MSH3: variants seen among roughly 807,000 people sequenced by gnomAD.
MSH3 encodes the protein mutS homolog 3.
MSH3 carries 106 observed loss-of-function variants against 123.3 expected under a neutral mutation model. The ratio of observed to expected loss-of-function variants is 0.86; its 90% CI spans 0.73 to 1.01. MSH3 has a LOEUF of 1.01. Ranked by LOEUF, MSH3 falls within the 50% of genes least tolerant of loss-of-function variation. MSH3 has a pLI of 0.00. For missense variants in MSH3, 1,459 were observed against 1,347.6 expected (o/e 1.08, Z -1.29); for synonymous variants, 515 against 481.4 (o/e 1.07, Z -0.91).
chr5:80,844,127 C>T (rs1374070846), intron 20 of MSH3, among the ~76,000 whole-genome samples: 1 of 151,808 alleles, frequency 6.6e-6, no homozygotes, highest in Non-Finnish European at 1.5e-5. Flanking sequence ...TCAAAGAACA[C>T]TTTTATTTCT....
intron 16 of MSH3, among the ~76,000 whole-genome samples, chr5:80,776,753 A>G (rs757330198): frequency 1.3e-4 from 19 of 151,606 alleles, no homozygotes; most frequent in Non-Finnish European, 2.5e-4. Context: ...TGAAAATGGT[A>G]CATTTGCCTC....
intron 8 of MSH3, among the ~76,000 whole-genome samples, chr5:80,692,198 T>TTATA (rs1554068249): frequency 9.0e-4 from 68 of 75,210 alleles, no homozygotes; most frequent in African/African-American, 3.5e-3. Flanking sequence ...ATGTATATGT[T>TTATA]TAGATAGATA....
chr5:80,689,734 CTTTAT>C (rs933117600), intron 8 of MSH3, among the ~76,000 whole-genome samples: 163 of 138,950 alleles, frequency 1.2e-3, no homozygotes, highest in African/African-American at 4.1e-3. Flanking sequence ...TTTTTTTGAT[CTTTAT>C]TTTATTTTAT....
chr5:80,815,109 A>G (rs1278022094), intron 20 of MSH3, among the ~76,000 whole-genome samples: 1 of 152,216 alleles, frequency 6.6e-6, no homozygotes, highest in Non-Finnish European at 1.5e-5. Context: ...TAATATTGAT[A>G]TTCTTGAGTA....
intron 19 of MSH3, among the ~76,000 whole-genome samples, chr5:80,810,229 T>G (rs552387609): frequency 6.8e-6 from 1 of 147,072 alleles, no homozygotes; most frequent in South Asian, 2.2e-4. Flanking sequence ...TTGTGTATTT[T>G]AAAAAAGGTA....
At chr5:80,808,556 A>T (rs1172723196) in intron 19 of MSH3, among the ~76,000 whole-genome samples, 1 of 152,056 alleles carries the variant, frequency 6.6e-6, no homozygotes, top group East Asian at 1.9e-4. Flanking sequence ...CAGCTAAATA[A>T]ACATGGTTTA....
chr5:80,862,760 TAAAAA>T (rs906025326), intron 21 of MSH3, among the ~76,000 whole-genome samples: 7 of 146,484 alleles, frequency 4.8e-5, no homozygotes, highest in African/African-American at 1.7e-4. Flanking sequence ...ACCCTGTCTC[TAAAAA>T]AAAAAAATTT....
intron 19 of MSH3, among the ~76,000 whole-genome samples, chr5:80,805,324 G>A (rs1275889273): frequency 6.6e-6 from 1 of 152,002 alleles, no homozygotes; most frequent in South Asian, 2.1e-4. Context: ...ATTTTAGAAG[G>A]GGTGGTGGAA....
At chr5:80,661,298 G>A (rs1650685) in intron 2 of MSH3, among the ~76,000 whole-genome samples, 40,975 of 151,814 alleles carry the variant, frequency 0.27, 5,691 homozygotes, top group Middle Eastern at 0.34. Flanking sequence ...TAACTATTTG[G>A]TGTTATCTGT....
chr5:80,837,377 G>A (rs985928449), intron 20 of MSH3, among the ~76,000 whole-genome samples: 4 of 152,032 alleles, frequency 2.6e-5, no homozygotes, highest in African/African-American at 4.8e-5. Flanking sequence ...TCACAAGTTC[G>A]AGACCAGCCT....
rs1743475703 is a variant in MSH3 at position 80,734,839 on chromosome 5, A to G, written c.1568+5874A>G. ...TCTAGTTTCCCTGCGCCCACCAAAGAGGCAGTCATGTTGTTTACCTCATTT... is the reference window on the plus strand; with the variant it reads ...TCTAGTTTCCCTGCGCCCACCAAAGGGGCAGTCATGTTGTTTACCTCATTT... On this transcript the variant is annotated intron_variant, in intron 10 of 23. Transcript: ENST00000265081. Among the ~76,000 whole-genome samples the G allele has an allele frequency of 2.0e-5, 3 of 152,230 alleles. No homozygotes were observed. The South Asian group carries it at 6.2e-4, about 32-fold the overall frequency.
intron 8 of MSH3, among the ~76,000 whole-genome samples, chr5:80,684,370 G>A (rs191560531): frequency 6.6e-6 from 1 of 152,106 alleles, no homozygotes; most frequent in Non-Finnish European, 1.5e-5. Flanking sequence ...GTGTTTTATA[G>A]TTTTCATTGT....
chr5:80,735,951 G>T (rs942468913), intron 10 of MSH3, among the ~76,000 whole-genome samples: 1 of 152,098 alleles, frequency 6.6e-6, no homozygotes, highest in African/African-American at 2.4e-5. Flanking sequence ...CTGGCTGGGC[G>T]CAGTGGCTCA....
chr5:80,866,755 A>T (rs1746105107), intron 22 of MSH3, among the ~76,000 whole-genome samples: 1 of 152,046 alleles, frequency 6.6e-6, no homozygotes, highest in Non-Finnish European at 1.5e-5. Context: ...TTTCATTATT[A>T]TTGCCATGCT....
At chr5:80,835,082 G>T (rs1435196476) in intron 20 of MSH3, among the ~76,000 whole-genome samples, 1 of 152,178 alleles carries the variant, frequency 6.6e-6, no homozygotes, top group Non-Finnish European at 1.5e-5. Flanking sequence ...CAAAGAATGT[G>T]CCATCAGACA....
At chr5:80,671,733 A>G (rs1288744626) in intron 4 of MSH3, among the ~76,000 whole-genome samples, 1 of 152,196 alleles carries the variant, frequency 6.6e-6, no homozygotes. Context: ...TCAGGGAATC[A>G]CATGGTGCTT....
At chr5:80,793,447 G>T (rs971429809) in intron 19 of MSH3, among the ~76,000 whole-genome samples, 9 of 152,334 alleles carry the variant, frequency 5.9e-5, no homozygotes, top group Admixed American at 5.2e-4. Context: ...GTGCAATACA[G>T]CTTAGTGCAT....
intron 8 of MSH3, among the ~76,000 whole-genome samples, chr5:80,685,137 G>GA (rs1750057889): frequency 6.7e-6 from 1 of 149,678 alleles, no homozygotes; most frequent in Non-Finnish European, 1.5e-5. Flanking sequence ...TATTTGATAT[G>GA]AATTTGTCTC....
rs572628413 is a variant in MSH3 at position 80,727,453 on chromosome 5, TCAAA to T, written c.1454-1395_1454-1392del. 2.6e-4 allele frequency among the ~76,000 whole-genome samples: 40 copies of T among 152,320 alleles called. No homozygotes were observed. The East Asian group carries it at 7.5e-3, about 29-fold the overall frequency. On this transcript the variant is annotated intron_variant, in intron 9 of 23. Coordinates refer to ENST00000265081, the MANE Select transcript of MSH3 (RefSeq NM_002439.5). ...GTAATTAATGCTTATTGCAAGAAAG[TCAAA>T]CAGTGTAGTCGTATATAAGGAAAAA...
Sources: gnomAD v4.1 joint callset for allele counts (sites outside exome capture counted in the v4.1 genomes callset) on GRCh38, gnomAD v4.1.1 for gene constraint, MANE v1.5 for transcripts, NCBI Gene and HGNC (gene_info 2026-07-23, HGNC 2026-07-21) for gene names.